The following MTHFD1L variants were observed in gnomAD, a reference collection of about 807,000 sequenced individuals.
MTHFD1L encodes the protein methylenetetrahydrofolate dehydrogenase (NADP+ dependent) 1 like.
A neutral mutation model predicts 119.5 loss-of-function variants in MTHFD1L; 81 were observed. The observed-to-expected ratio is 0.68, with a 90% CI of 0.57 to 0.82. The LOEUF is 0.82. Among genes scored for constraint, MTHFD1L ranks in the 40% least tolerant of loss-of-function variants. The probability of loss-of-function intolerance (pLI) is 0.00; values close to 1 mark genes in which losing one functional copy is unlikely to be tolerated. For missense variants in MTHFD1L, 1,125 were observed against 1,253.4 expected (o/e 0.90, Z 1.55); for synonymous variants, 430 against 475.2 (o/e 0.90, Z 1.24).
At chr6:150,908,613 G>GC (rs1374639917) in intron 8 of MTHFD1L, among the ~76,000 whole-genome samples, 35 of 149,644 alleles carry the variant, frequency 2.3e-4, no homozygotes, top group Non-Finnish European at 5.9e-5. Flanking sequence ...GATGACAAGA[G>GC]CTTTTTTTTT....
At position 150,970,631 on chromosome 6, in the gene MTHFD1L, A is replaced by G. The variant is rs142409450; in HGVS notation, c.2014-1316A>G. 4.3e-3 allele frequency among the ~76,000 whole-genome samples: 649 copies of G among 152,360 alleles called. 3 individuals are homozygous for G. Among genetic ancestry groups the G allele is most frequent in the South Asian group, 6.2e-3 (30 of 4,834 alleles). ...GAAAGGGCCATTATGGAGAATATTCATAGCAAGATAGTTCCTGCCTTATTT... is the reference window on the plus strand; with the variant it reads ...GAAAGGGCCATTATGGAGAATATTCGTAGCAAGATAGTTCCTGCCTTATTT... On this transcript the variant is annotated intron_variant, in intron 19 of 27. Transcript: ENST00000367321.
rs1786780899 is a variant in MTHFD1L at position 151,039,786 on chromosome 6, G to A, written c.2847+2669G>A. Among the ~76,000 whole-genome samples the A allele has an allele frequency of 6.6e-6, 1 of 152,018 alleles. No homozygotes were observed. The highest frequency in any genetic ancestry group is 2.4e-5 in the African/African-American group (1 of 41,370). ...AAAAATTTGCCGGGCGGGGTGGTGGGCACCTATAATCCCAGCTGCTCAGGA... is the reference window on the plus strand; with the variant it reads ...AAAAATTTGCCGGGCGGGGTGGTGGACACCTATAATCCCAGCTGCTCAGGA... On this transcript the variant is annotated intron_variant, in intron 26 of 27. Coordinates refer to ENST00000367321, the MANE Select transcript of MTHFD1L (RefSeq NM_015440.5). The surrounding 1 kb of genome is among the most constrained non-coding windows in gnomAD (Gnocchi z 4.4).
At chr6:150,871,000 TTATAA>T (rs201483509) in intron 1 of MTHFD1L, among the ~76,000 whole-genome samples, 9,162 of 145,058 alleles carry the variant, frequency 0.063, 464 homozygotes, top group East Asian at 0.22. Context: ...TATACCTTAA[TTATAA>T]TATAATATAA....
At chr6:151,035,198 C>T (rs1785982003) in intron 25 of MTHFD1L, among the ~76,000 whole-genome samples, 1 of 152,170 alleles carries the variant, frequency 6.6e-6, no homozygotes, top group Non-Finnish European at 1.5e-5. Context: ...GATCTGACAG[C>T]ATGCATCACC....
chr6:151,000,599 A>G (rs1038988259), intron 20 of MTHFD1L, among the ~76,000 whole-genome samples: 1 of 152,230 alleles, frequency 6.6e-6, no homozygotes, highest in Non-Finnish European at 1.5e-5. Flanking sequence ...TTTAAGCTGC[A>G]GTAATAATGC....
At chr6:151,066,173 A>G (rs1791213319) in intron 26 of MTHFD1L, among the ~76,000 whole-genome samples, 2 of 152,212 alleles carry the variant, frequency 1.3e-5, no homozygotes, top group Non-Finnish European at 2.9e-5. Flanking sequence ...GCGGTGGCTT[A>G]CGCCTGTAAT....
intron 20 of MTHFD1L, among the ~76,000 whole-genome samples, chr6:151,001,801 A>G (rs1780662262): frequency 6.6e-6 from 1 of 152,168 alleles, no homozygotes; most frequent in Non-Finnish European, 1.5e-5. Context: ...TTTGTCAAAC[A>G]GAATACTCCC....
At chr6:151,024,562 C>T (rs1339889652) in intron 24 of MTHFD1L, among the ~76,000 whole-genome samples, 2 of 152,084 alleles carry the variant, frequency 1.3e-5, no homozygotes, top group Non-Finnish European at 2.9e-5. Context: ...GGCACGATGG[C>T]TCCCTCCTAT....
At chr6:151,013,879 G>A in intron 22 of MTHFD1L, 59 bp downstream of exon 22, 1 of 1,482,302 alleles carries the variant, frequency 6.7e-7, no homozygotes. Context: ...TGACTCGTTG[G>A]CTTTCAGTGA....
chr6:150,965,126 G>A, intron 19 of MTHFD1L, 89 bp downstream of exon 19: 1 of 1,124,618 alleles, frequency 8.9e-7, no homozygotes, highest in East Asian at 2.4e-5. Flanking sequence ...GGCAGGCATA[G>A]AGCATGCCTG....
chr6:151,030,605 G>A (rs956129655), intron 24 of MTHFD1L, among the ~76,000 whole-genome samples: 5 of 152,232 alleles, frequency 3.3e-5, no homozygotes, highest in African/African-American at 9.6e-5. Context: ...AACATAGGCT[G>A]CTCATGATCT....
At position 150,877,838 on chromosome 6, in the gene MTHFD1L, A is replaced by G; in HGVS notation, c.417+12A>G. On this transcript the variant is annotated intron_variant, in intron 4 of 27. Transcript: ENST00000367321. ...GCAGTGAAGCCGAGGTAATAATGGC[A>G]GAGCTCTAAACTCTTGCTTCTTCTT... 1 of 1,614,222 alleles carries G rather than the reference A, an allele frequency of 6.2e-7. No homozygotes were observed. The highest frequency in any genetic ancestry group is 1.1e-5 in the South Asian group (1 of 91,086).
At chr6:150,997,750 C>T (rs1329043447) in intron 20 of MTHFD1L, among the ~76,000 whole-genome samples, 1 of 152,118 alleles carries the variant, frequency 6.6e-6, no homozygotes, top group African/African-American at 2.4e-5. Flanking sequence ...ATGATCGTAC[C>T]ACTGCACTCC....
chr6:151,022,718 A>G (rs557419535), intron 24 of MTHFD1L, among the ~76,000 whole-genome samples: 1 of 152,294 alleles, frequency 6.6e-6, no homozygotes, highest in Non-Finnish European at 1.5e-5. Context: ...AGCCTGAGTC[A>G]GTAGCCCTTT....
At chr6:150,880,729 A>G (rs1781271239) in intron 4 of MTHFD1L, among the ~76,000 whole-genome samples, 1 of 152,190 alleles carries the variant, frequency 6.6e-6, no homozygotes, top group South Asian at 2.1e-4. Flanking sequence ...AACAGTGTAC[A>G]AGAGCTCCCC....
rs1318851953 is a variant in MTHFD1L at position 150,949,035 on chromosome 6, T to C, written c.1628T>C (p.Leu543Pro). 1.2e-6 allele frequency: 2 copies of C among 1,613,156 alleles called. No individual in the cohort carries two copies. Among genetic ancestry groups the C allele is most frequent in the Non-Finnish European group, 1.7e-6 (2 of 1,179,348 alleles). Residue 543 changes from leucine (L) to proline (P), a missense_variant, in exon 16 of 28, where the codon CTG (leucine) becomes CCG (proline). Leu to Pro is a moderately conservative substitution (Grantham distance 98). This residue lies in a region of MTHFD1L where 1,058 missense variants were observed against 1,151.2 expected (regional missense o/e 0.92). Coordinates refer to ENST00000367321, the MANE Select transcript of MTHFD1L (RefSeq NM_015440.5). ...TTTTTTCTTCTTAATCATTAGAAAC[T>C]GGGAATAAATAAGACTGATCCGAGC... ...SEIQLARLKK[L>P]GINKTDPSTL... is the part of the protein sequence containing the mutation.
chr6:150,896,045 T>C (rs1414628828), intron 7 of MTHFD1L, among the ~76,000 whole-genome samples: 4 of 152,180 alleles, frequency 2.6e-5, no homozygotes, highest in Non-Finnish European at 5.9e-5. Context: ...GGAAACTGAC[T>C]GAGGCTTAGA....
rs1407522419 is a variant in MTHFD1L at position 150,930,072 on chromosome 6, A to G, written c.1256+3777A>G. 2.0e-5 allele frequency among the ~76,000 whole-genome samples: 3 copies of G among 152,202 alleles called. No homozygotes were observed. In the East Asian group the frequency reaches 5.8e-4, roughly 29 times the overall value. On this transcript the variant is annotated intron_variant, in intron 11 of 27. Transcript: ENST00000367321. ...GTATCTAATCCCTTAATAGCTGAAT[A>G]TTGATATCAGTTTAGATCACAGGCA...
chr6:151,083,227 C>T (rs544954892), intron 26 of MTHFD1L, among the ~76,000 whole-genome samples: 2 of 152,062 alleles, frequency 1.3e-5, no homozygotes, highest in South Asian at 4.2e-4. Flanking sequence ...GACGAAGTCT[C>T]ACTCTTGTCA....
Sources: gnomAD v4.1 joint callset for allele counts (sites outside exome capture counted in the v4.1 genomes callset) on GRCh38, gnomAD v4.1.1 for gene constraint, gnomAD v4.1.1 regional missense constraint, Gnocchi (gnomAD v3.1) non-coding constraint, MANE v1.5 for transcripts, NCBI Gene and HGNC (gene_info 2026-07-23, HGNC 2026-07-21) for gene names.